INSYN2B: variants seen among roughly 807,000 people sequenced by gnomAD.
INSYN2B encodes protein INSYN2B.
A neutral mutation model predicts 41.2 loss-of-function variants in INSYN2B; 16 were observed. The ratio of observed to expected loss-of-function variants is 0.39; its 90% CI spans 0.26 to 0.59. The LOEUF (loss-of-function observed/expected upper bound fraction) is 0.59. INSYN2B is among the 20% of genes least tolerant of loss of function. The pLI is 0.57. For synonymous variants in INSYN2B, 245 were observed against 244.4 expected (o/e 1.00, Z -0.02); for missense variants, 608 against 646.4 (o/e 0.94, Z 0.64).
chr5:169,974,708 C>T (rs569614110), intron 1 of INSYN2B, among the ~76,000 whole-genome samples: 1 of 152,162 alleles, frequency 6.6e-6, no homozygotes, highest in African/African-American at 2.4e-5. Flanking sequence ...AGGAATATAC[C>T]GTATTTTCCT....
intron 3 of INSYN2B, among the ~76,000 whole-genome samples, chr5:169,870,039 C>A (rs1321078395): frequency 2.0e-5 from 3 of 151,986 alleles, no homozygotes; most frequent in African/African-American, 7.3e-5. Flanking sequence ...TTGAGATAGT[C>A]CAGGGCATTC....
intron 1 of INSYN2B, among the ~76,000 whole-genome samples, chr5:169,963,008 G>C (rs983655886): frequency 1.3e-5 from 2 of 152,144 alleles, no homozygotes; most frequent in African/African-American, 4.8e-5. Context: ...TGGAAGAATT[G>C]ACATTTTGAT....
At chr5:169,951,082 C>A (rs1476702455) in intron 1 of INSYN2B, among the ~76,000 whole-genome samples, 1 of 152,204 alleles carries the variant, frequency 6.6e-6, no homozygotes, top group Non-Finnish European at 1.5e-5. Context: ...GCTGATGAGA[C>A]CTGCCTGCCT....
At chr5:169,969,707 G>GAGAACA (rs569437418) in intron 1 of INSYN2B, among the ~76,000 whole-genome samples, 1,860 of 152,228 alleles carry the variant, frequency 0.012, 44 homozygotes, top group African/African-American at 0.042. Context: ...AACTAGGTGG[G>GAGAACA]GTGACCAACT....
chr5:169,913,099 T>C (rs73325980), intron 1 of INSYN2B, among the ~76,000 whole-genome samples: 2,804 of 152,306 alleles, frequency 0.018, 85 homozygotes, highest in African/African-American at 0.065. Flanking sequence ...TTGTCTCTAG[T>C]TTCCTGTCAT....
intron 1 of INSYN2B, among the ~76,000 whole-genome samples, chr5:169,907,053 A>G (rs190854230): frequency 4.7e-4 from 71 of 152,300 alleles, no homozygotes; most frequent in Non-Finnish European, 8.4e-4. Context: ...GTCTGTCACA[A>G]TCCTGTAGGT....
At chr5:169,893,549 C>T (rs1171633052) in intron 1 of INSYN2B, among the ~76,000 whole-genome samples, 21 of 149,488 alleles carry the variant, frequency 1.4e-4, no homozygotes, top group Non-Finnish European at 2.5e-4. Flanking sequence ...TGGGGTCAAA[C>T]ACTGGGGGAG....
At chr5:169,949,749 G>A (rs1324832222) in intron 1 of INSYN2B, among the ~76,000 whole-genome samples, 2 of 149,458 alleles carry the variant, frequency 1.3e-5, no homozygotes, top group Non-Finnish European at 2.9e-5. Flanking sequence ...GTACACAGAG[G>A]TGTAGCATTT....
intron 1 of INSYN2B, among the ~76,000 whole-genome samples, chr5:169,936,704 G>A (rs11948932): frequency 0.015 from 2,260 of 151,486 alleles, 54 homozygotes; most frequent in African/African-American, 0.052. Flanking sequence ...CCTGGGGGGC[G>A]CGCTCCAGCC....
At chr5:169,944,294 T>A (rs1776361667) in intron 1 of INSYN2B, among the ~76,000 whole-genome samples, 1 of 152,218 alleles carries the variant, frequency 6.6e-6, no homozygotes, top group South Asian at 2.1e-4. Context: ...TGAAAGGTGA[T>A]GACGGCAGTG....
intron 3 of INSYN2B, among the ~76,000 whole-genome samples, chr5:169,869,582 A>G (rs1284442776): frequency 6.6e-6 from 1 of 152,082 alleles, no homozygotes; most frequent in East Asian, 1.9e-4. Context: ...GGAGGGACAG[A>G]GCCCTCTCAT....
intron 3 of INSYN2B, among the ~76,000 whole-genome samples, chr5:169,879,526 G>T (rs531355505): frequency 4.9e-4 from 75 of 152,182 alleles, no homozygotes; most frequent in Non-Finnish European, 8.8e-4. Context: ...GGTAATGAGG[G>T]ATATATGCAT....
At chr5:169,979,422 C>T (rs116498881) in intron 1 of INSYN2B, among the ~76,000 whole-genome samples, 26 of 152,294 alleles carry the variant, frequency 1.7e-4, no homozygotes, top group African/African-American at 5.8e-4. Context: ...AAAAGAGACA[C>T]ACATCAGAGA....
At position 169,972,630 on chromosome 5, in the gene INSYN2B, G is replaced by A. The variant is rs546349048; in HGVS notation, c.-919+7647C>T. On this transcript the variant is annotated intron_variant, in intron 1 of 3. Transcript: ENST00000377365. ...TAGATAGATAGATAGATAGATAGAT[G>A]ATAGGTGGATAAAATCTCCCCTGTT... Among the ~76,000 whole-genome samples, 8 of 143,068 alleles carry A rather than the reference G, an allele frequency of 5.6e-5. No individual in the cohort carries two copies. In the South Asian group the frequency reaches 1.4e-3, roughly 24 times the overall value. 93.9% of individuals were successfully genotyped at this position (143,068 alleles called of 152,430 possible). A position where few individuals can be genotyped will look rare whatever the true frequency, so the allele number is the denominator to read the frequency against.
At chr5:169,899,459 A>G (rs150644045) in intron 1 of INSYN2B, among the ~76,000 whole-genome samples, 33 of 152,310 alleles carry the variant, frequency 2.2e-4, no homozygotes, top group African/African-American at 7.2e-4. Flanking sequence ...ACCAGCATCA[A>G]TGATTGCAGG....
intron 3 of INSYN2B, among the ~76,000 whole-genome samples, chr5:169,871,816 C>G (rs981413764): frequency 6.6e-6 from 1 of 152,220 alleles, no homozygotes; most frequent in Non-Finnish European, 1.5e-5. Context: ...TATGGACCAG[C>G]TGACCAGTCC....
At chr5:169,920,728 G>A (rs775732298) in intron 1 of INSYN2B, among the ~76,000 whole-genome samples, 15 of 152,206 alleles carry the variant, frequency 9.9e-5, no homozygotes, top group Non-Finnish European at 1.6e-4. Flanking sequence ...TCCCGTCTCT[G>A]CAGATTTAAT....
chr5:169,907,115 A>G (rs995452324), intron 1 of INSYN2B, among the ~76,000 whole-genome samples: 4 of 152,144 alleles, frequency 2.6e-5, no homozygotes, highest in East Asian at 1.9e-4. Context: ...GTTGAAATCA[A>G]TCGAAAGATA....
At chr5:169,963,772 C>T (rs562693697) in intron 1 of INSYN2B, among the ~76,000 whole-genome samples, 1 of 152,288 alleles carries the variant, frequency 6.6e-6, no homozygotes, top group Non-Finnish European at 1.5e-5. Flanking sequence ...CATTCACTCA[C>T]TACAGATGCT....
Sources: gnomAD v4.1 joint callset for allele counts (sites outside exome capture counted in the v4.1 genomes callset) on GRCh38, gnomAD v4.1.1 for gene constraint, MANE v1.5 for transcripts, NCBI Gene and HGNC (gene_info 2026-07-23, HGNC 2026-07-21) for gene names.